Variants in TTC7A observed in about 807,000 individuals in gnomAD.
TTC7A encodes the protein tetratricopeptide repeat protein 7A.
A neutral mutation model predicts 103.7 loss-of-function variants in TTC7A; 110 were observed. That is an observed-to-expected ratio of 1.06 (90% CI 0.91 to 1.24). TTC7A has a LOEUF of 1.24. Ranked by LOEUF, TTC7A falls within the 50% of genes most tolerant of loss-of-function variation. The pLI, the probability that TTC7A is intolerant of heterozygous loss-of-function variation, is 0.00. For synonymous variants in TTC7A, 521 were observed against 467.9 expected, an observed-to-expected ratio of 1.11 and a Z score of -1.47; for missense variants, 1,340 against 1,116.3, an observed-to-expected ratio of 1.20 and a Z score of -2.86.
chr2:47,031,769 T>C (rs894109531), intron 15 of TTC7A, among the ~76,000 whole-genome samples: 3 of 152,232 alleles, frequency 2.0e-5, no homozygotes, highest in African/African-American at 4.8e-5. Context: ...TCTGAGCTGA[T>C]TGCTTTCTGC....
chr2:47,026,641 G>A (rs756296144), intron 14 of TTC7A, among the ~76,000 whole-genome samples: 4 of 151,558 alleles, frequency 2.6e-5, no homozygotes, highest in East Asian at 1.9e-4. Context: ...CTGAGAGCAC[G>A]TGCCTTCAGG....
chr2:46,963,058 T>C (rs1672528468), intron 3 of TTC7A, among the ~76,000 whole-genome samples: 1 of 152,230 alleles, frequency 6.6e-6, no homozygotes. Context: ...CTCAGGGCTC[T>C]TCTCAGGCAC....
intron 11 of TTC7A, among the ~76,000 whole-genome samples, chr2:47,020,061 C>A (rs1382055162): frequency 1.3e-5 from 2 of 152,330 alleles, no homozygotes; most frequent in South Asian, 2.1e-4. Flanking sequence ...TAGGGGCCAC[C>A]TGGTCCTGCC....
At chr2:47,066,962 G>A (rs1034948769) in intron 19 of TTC7A, among the ~76,000 whole-genome samples, 4 of 152,212 alleles carry the variant, frequency 2.6e-5, no homozygotes, top group East Asian at 1.9e-4. Flanking sequence ...CACATCTGGC[G>A]AGGGCCTTCT....
intron 3 of TTC7A, among the ~76,000 whole-genome samples, chr2:46,972,477 T>C (rs1572771040): frequency 6.6e-6 from 1 of 152,190 alleles, no homozygotes; most frequent in Non-Finnish European, 1.5e-5. Flanking sequence ...TTAAGGCAGG[T>C]TTTCTCTAAC....
At chr2:47,032,358 G>A (rs17541155) in intron 15 of TTC7A, among the ~76,000 whole-genome samples, 6,051 of 152,280 alleles carry the variant, frequency 0.04, 162 homozygotes, top group South Asian at 0.098. Context: ...CTGTGCCCCT[G>A]TCTCGGGTGC....
intron 5 of TTC7A, among the ~76,000 whole-genome samples, chr2:46,986,446 C>T (rs533937169): frequency 4.3e-4 from 65 of 152,208 alleles, no homozygotes; most frequent in African/African-American, 1.5e-3. Flanking sequence ...AGGTCCCCTC[C>T]CCTCGTGGAG....
At position 47,011,398 on chromosome 2, in the gene TTC7A, T is replaced by C; in HGVS notation, c.1355T>C (p.Leu452Pro). The C allele has an allele frequency of 6.2e-7, 1 of 1,610,884 alleles. No homozygotes were observed. Among genetic ancestry groups the C allele is most frequent in the East Asian group, 2.2e-5 (1 of 44,860 alleles). Reference sequence around the variant, plus strand: ...CGGCCCTCGGACCCCACCGTGCCCCTGATGGCCGCGAAGGTCTGCATCGGG... The same window carrying C: ...CGGCCCTCGGACCCCACCGTGCCCCCGATGGCCGCGAAGGTCTGCATCGGG... ...KLRPSDPTVPLMAAKVCIGSL... is the reference protein window; with the variant it reads ...KLRPSDPTVPPMAAKVCIGSL... The change falls in exon 11 of 20, where the codon CTG becomes CCG. Residue 452 changes from leucine to proline, a missense_variant. By Grantham distance (98) the Leu-to-Pro change is moderately conservative (BLOSUM62 -3). Transcript: ENST00000319190.
chr2:47,053,543 TTTGGTTGG>T lies in TTC7A; in HGVS notation c.2152+1698_2152+1705del, dbSNP rs35563040. 5.1e-3 allele frequency among the ~76,000 whole-genome samples: 711 copies of T among 140,232 alleles called. 2 individuals are homozygous for T. Among genetic ancestry groups the T allele is most frequent in the African/African-American group, 0.013 (482 of 35,902 alleles). 92.0% of individuals were successfully genotyped at this position (140,232 alleles called of 152,430 possible). A position where few individuals can be genotyped will look rare whatever the true frequency, so the allele number is the denominator to read the frequency against. On this transcript the variant is annotated intron_variant, in intron 18 of 19. Transcript: ENST00000319190. ...TTTGGTGGGTTTTTTTGTTTGTTTGTTTGGTTGGTTGGTTGGTTGGTTGGTTGGTTGGT... is the reference window on the plus strand; with the variant it reads ...TTTGGTGGGTTTTTTTGTTTGTTTGTTTGGTTGGTTGGTTGGTTGGTTGGT...
At position 46,916,462 on chromosome 2, in the gene TTC7A, T is replaced by C. The variant is rs1572625633; in HGVS notation, c.-128T>C. The stretch of plus-strand genomic sequence containing the variant: ...CTTTTGACATTCAAGAGAGGACAGA[T>C]TACTTAAAAACAGACTCATGAACAA... On this transcript the variant is annotated 5_prime_UTR_variant, in exon 1 of 21. Transcript: ENST00000409245. The C allele has an allele frequency of 3.3e-5, 5 of 152,482 alleles. 1 individual carries two copies. Among genetic ancestry groups the C allele is most frequent in the Admixed American group, 3.3e-4 (5 of 15,306 alleles). The allele number at this position is 152,482 out of a possible 1,614,324, so 9.4% of individuals were successfully genotyped here.
chr2:46,999,384 C>G (rs1228788256), intron 8 of TTC7A: 1 of 441,144 alleles, frequency 2.3e-6, no homozygotes, highest in Admixed American at 6.4e-5. Context: ...TCCATCCATC[C>G]CCCATTCATC....
At chr2:46,998,647 G>A (rs146828608) in intron 8 of TTC7A, among the ~76,000 whole-genome samples, 253 of 152,338 alleles carry the variant, frequency 1.7e-3, no homozygotes, top group Middle Eastern at 3.4e-3. Flanking sequence ...GCATTATGCT[G>A]CAGTGAAAGC....
intron 1 of TTC7A, among the ~76,000 whole-genome samples, chr2:46,944,794 G>A (rs1670790210): frequency 1.3e-5 from 2 of 152,046 alleles, no homozygotes; most frequent in South Asian, 4.1e-4. Context: ...TCCTACCTCG[G>A]CCTCCCAAAG....
chr2:47,051,520 T>G (rs1682855363), intron 17 of TTC7A, among the ~76,000 whole-genome samples: 1 of 152,262 alleles, frequency 6.6e-6, no homozygotes, highest in African/African-American at 2.4e-5. Flanking sequence ...TAGTGGGATC[T>G]CTGCCTGATT....
chr2:46,920,726 A>C (rs983637841), intron 2 of TTC7A, among the ~76,000 whole-genome samples: 1 of 151,898 alleles, frequency 6.6e-6, no homozygotes, highest in Non-Finnish European at 1.5e-5. Context: ...ATTTTTCCTG[A>C]ACTTGCCTAT....
chr2:46,929,077 CG>C (rs1669556109), intron 2 of TTC7A, among the ~76,000 whole-genome samples: 1 of 151,604 alleles, frequency 6.6e-6, no homozygotes. Context: ...GTGGGAGAAT[CG>C]CTTGAACCTG....
intron 15 of TTC7A, among the ~76,000 whole-genome samples, chr2:47,032,677 T>G (rs1558604635): frequency 6.6e-6 from 1 of 151,534 alleles, no homozygotes; most frequent in Non-Finnish European, 1.5e-5. Context: ...GGGCTGTGGG[T>G]CTAGGGGGAA....
intron 5 of TTC7A, among the ~76,000 whole-genome samples, chr2:46,981,890 G>T (rs1426522051): frequency 1.3e-5 from 2 of 152,232 alleles, no homozygotes; most frequent in East Asian, 3.9e-4. Flanking sequence ...CTGTGGTGAG[G>T]TCACTTCCAG....
chr2:47,014,777 G>A (rs1678462367), intron 11 of TTC7A, among the ~76,000 whole-genome samples: 1 of 152,240 alleles, frequency 6.6e-6, no homozygotes, highest in African/African-American at 2.4e-5. Flanking sequence ...ATTTGGCCTG[G>A]GTTGCAGAAA....
Sources: allele counts gnomAD v4.1 joint callset (sites outside exome capture counted in the v4.1 genomes callset), GRCh38; gene constraint gnomAD v4.1.1; transcripts MANE v1.5; gene names NCBI Gene and HGNC (gene_info 2026-07-23, HGNC 2026-07-21).